The following QTGAL variants were observed in gnomAD, a reference collection of about 807,000 sequenced individuals.
QTGAL encodes the protein BGnT-like protein 1.
the QTGAL span, chr17:82,957,475 G>A: frequency 1.1e-5 from 18 of 1,606,442 alleles, no homozygotes; most frequent in Admixed American, 6.8e-5. Context: ...AAGCGGACGC[G>A]GTGGGTCCAG....
the QTGAL span, among the ~76,000 whole-genome samples, chr17:82,977,082 G>A: frequency 1.3e-3 from 199 of 152,386 alleles, 1 homozygote; most frequent in Non-Finnish European, 2.5e-3. Context: ...CGAAGGCCAC[G>A]GCAGGGGAGA....
At chr17:83,023,957 C>T in the QTGAL span, among the ~76,000 whole-genome samples, 2 of 152,240 alleles carry the variant, frequency 1.3e-5, no homozygotes, top group African/African-American at 4.8e-5. Flanking sequence ...AGTGCTTCCT[C>T]CCCTGTGGAT....
chr17:82,973,938 C>A, the QTGAL span, among the ~76,000 whole-genome samples: 1 of 152,070 alleles, frequency 6.6e-6, no homozygotes, highest in Non-Finnish European at 1.5e-5. Flanking sequence ...GCCCCGTGTA[C>A]CTGTGTGTTC....
the QTGAL span, among the ~76,000 whole-genome samples, chr17:82,975,814 G>A: frequency 1.1e-4 from 11 of 102,584 alleles, no homozygotes; most frequent in South Asian, 6.0e-4. Context: ...CCTCCCAGGG[G>A]CCGGAGGCCA....
At chr17:82,977,191 T>C in the QTGAL span, among the ~76,000 whole-genome samples, 3 of 152,282 alleles carry the variant, frequency 2.0e-5, no homozygotes, top group East Asian at 3.9e-4. Flanking sequence ...AGGACACCCA[T>C]GAACGGAGGC....
chr17:82,960,340 C>T, the QTGAL span: 1 of 152,246 alleles, frequency 6.6e-6, no homozygotes, highest in Non-Finnish European at 1.5e-5. Flanking sequence ...GGTCTTGAGA[C>T]TCCGGGGGCC....
chr17:82,985,472 C>G, the QTGAL span, among the ~76,000 whole-genome samples: 7 of 152,136 alleles, frequency 4.6e-5, no homozygotes, highest in African/African-American at 1.7e-4. Context: ...GAGGACCTAC[C>G]TGATTTATTT....
the QTGAL span, chr17:82,948,382 A>G: frequency 6.6e-6 from 1 of 152,268 alleles, no homozygotes; most frequent in African/African-American, 2.4e-5. Flanking sequence ...CACTCCCAGG[A>G]TTAGACCCGA....
chr17:83,012,767 C>T, the QTGAL span, among the ~76,000 whole-genome samples: 7 of 152,180 alleles, frequency 4.6e-5, no homozygotes, highest in African/African-American at 1.2e-4. Flanking sequence ...AAGTCCATCC[C>T]GAAGGACATT....
the QTGAL span, among the ~76,000 whole-genome samples, chr17:83,017,174 C>T: frequency 6.6e-6 from 1 of 151,598 alleles, no homozygotes; most frequent in South Asian, 2.1e-4. Flanking sequence ...GGATGGCGCT[C>T]AGCAGAGGCC....
At chr17:82,980,239 T>C in the QTGAL span, among the ~76,000 whole-genome samples, 1 of 152,082 alleles carries the variant, frequency 6.6e-6, no homozygotes, top group African/African-American at 2.4e-5. Context: ...ATTAGAAACT[T>C]TTGTTCTGTG....
the QTGAL span, chr17:83,051,740 G>T: frequency 6.7e-7 from 1 of 1,496,406 alleles, no homozygotes; most frequent in Non-Finnish European, 8.9e-7. Context: ...CACCTACCAC[G>T]TGGGCCTGCA....
the QTGAL span, among the ~76,000 whole-genome samples, chr17:82,980,110 A>G: frequency 6.6e-6 from 1 of 152,252 alleles, no homozygotes; most frequent in African/African-American, 2.4e-5. Context: ...GTAAAACTAT[A>G]AAACTTTTAG....
At chr17:83,038,845 T>C in the QTGAL span, among the ~76,000 whole-genome samples, 6 of 148,488 alleles carry the variant, frequency 4.0e-5, no homozygotes, top group African/African-American at 1.2e-4. Flanking sequence ...GGCGACAGAG[T>C]GAGACTCCAT....
chr17:83,048,870 C>T, the QTGAL span: 6 of 1,057,776 alleles, frequency 5.7e-6, no homozygotes, highest in South Asian at 2.6e-5. Flanking sequence ...CTTCACCACC[C>T]GCACATATGC....
chr17:82,952,798 GA>G, the QTGAL span, among the ~76,000 whole-genome samples: 1 of 152,192 alleles, frequency 6.6e-6, no homozygotes, highest in African/African-American at 2.4e-5. Flanking sequence ...CACATAATTG[GA>G]AGTGAAACAC....
At chr17:83,005,514 C>T in the QTGAL span, 13 of 691,568 alleles carry the variant, frequency 1.9e-5, no homozygotes, top group African/African-American at 1.4e-4. The surrounding 1 kb of genome is among the most constrained non-coding windows in gnomAD (Gnocchi z 5.6). Context: ...GATGACATTT[C>T]CCCTTAATGA....
the QTGAL span, among the ~76,000 whole-genome samples, chr17:82,950,546 T>A: frequency 3.7e-4 from 56 of 152,302 alleles, no homozygotes; most frequent in African/African-American, 1.3e-3. Flanking sequence ...CACCTAAATG[T>A]CCCCGGTAAC....
chr17:83,050,550 TA>T, the QTGAL span, among the ~76,000 whole-genome samples: 2 of 151,434 alleles, frequency 1.3e-5, no homozygotes, highest in Non-Finnish European at 3.0e-5. Flanking sequence ...AAGACTGGAA[TA>T]AAAAAGAAAA....
Sources: gnomAD v4.1 joint callset for allele counts (sites outside exome capture counted in the v4.1 genomes callset) on GRCh38, gnomAD v4.1.1 for gene constraint, Gnocchi (gnomAD v3.1) non-coding constraint, MANE v1.5 for transcripts, NCBI Gene and HGNC (gene_info 2026-07-23, HGNC 2026-07-21) for gene names.